Variants in ZNF43 observed in about 807,000 individuals in gnomAD.
The protein encoded by ZNF43 is zinc finger protein 43, also known as zinc finger protein 39-like 1 (KOX 27).
A neutral mutation model predicts 68.4 loss-of-function variants in ZNF43; 44 were observed. That is an observed-to-expected ratio of 0.64 (90% confidence interval 0.51 to 0.83). The LOEUF (loss-of-function observed/expected upper bound fraction) is 0.83. Among genes scored for constraint, ZNF43 ranks in the 40% least tolerant of loss-of-function variants. The pLI is 0.00. For missense variants in ZNF43, 896 were observed against 933.2 expected (o/e 0.96, Z 0.52); for synonymous variants, 308 against 307.8 (o/e 1.00, Z -0.01).
chr19:21,844,387 A>G (rs2145407475), intron 1 of ZNF43, among the ~76,000 whole-genome samples: 1 of 150,698 alleles, frequency 6.6e-6, no homozygotes, highest in East Asian at 2.0e-4. Flanking sequence ...CACAAAACAC[A>G]ATTTCATCTG....
At chr19:21,847,832 C>A (rs975075711) in intron 1 of ZNF43, among the ~76,000 whole-genome samples, 4 of 152,086 alleles carry the variant, frequency 2.6e-5, no homozygotes, top group African/African-American at 9.7e-5. Context: ...GTAACAATTT[C>A]TTTTTTATTT....
chr19:21,814,101 T>C (rs1020229886), intron 3 of ZNF43, among the ~76,000 whole-genome samples: 3 of 152,064 alleles, frequency 2.0e-5, no homozygotes, highest in Non-Finnish European at 4.4e-5. Flanking sequence ...GTAAATTTCA[T>C]GTTACATGTT....
intron 1 of ZNF43, among the ~76,000 whole-genome samples, chr19:21,844,921 A>AAAAAAAAAAAAAAAATATATAT (rs1310761266): frequency 3.8e-5 from 1 of 26,052 alleles, no homozygotes; most frequent in African/African-American, 2.2e-4. Context: ...AAAAAAAAAA[A>AAAAAAAAAAAAAAAATATATAT]ATATATATAT....
chr19:21,847,647 A>C (rs1457709009), intron 1 of ZNF43, among the ~76,000 whole-genome samples: 1 of 152,014 alleles, frequency 6.6e-6, no homozygotes, highest in African/African-American at 2.4e-5. Flanking sequence ...CAGTAAGCCA[A>C]GATCACAACA....
chr19:21,808,124 G>C lies in ZNF43; in HGVS notation c.1913C>G (p.Thr638Ser). The C allele has an allele frequency of 6.2e-7, 1 of 1,612,372 alleles. No homozygotes were observed. ...GKAFNQFSTL[T>S]KHKIIHTEEK... ...CTCAGTGTGAATTATCTTATGTTTAGTAAGAGTTGAGAACTGGTTAAAAGC... is the reference window on the plus strand; with the variant it reads ...CTCAGTGTGAATTATCTTATGTTTACTAAGAGTTGAGAACTGGTTAAAAGC... Residue 638 changes from threonine (T) to serine (S), a missense_variant, in exon 4 of 4, where the codon ACT becomes AGT. Physicochemically the swap from Thr to Ser is moderately conservative, Grantham distance 58. Transcript: ENST00000354959.
chr19:21,851,454 A>G (rs1968348195), intron 1 of ZNF43: 1 of 151,430 alleles, frequency 6.6e-6, no homozygotes, highest in Non-Finnish European at 1.5e-5. Flanking sequence ...AGGCAGGAGA[A>G]TCGCTTGAAC....
At position 21,807,903 on chromosome 19, in the gene ZNF43, C is replaced by T; in HGVS notation, c.2134G>A (p.Gly712Ser). The change falls in exon 4 of 4, where the codon GGC (glycine) becomes AGC (serine). Residue 712 changes from glycine (G) to serine (S), a missense_variant. Gly to Ser is a moderately conservative substitution (Grantham distance 56). Transcript: ENST00000354959. ...GEKPYKCEKC[G>S]KAFNRSSNLI... ...TTTGAGGATCGGTTAAAAGCTTTGC[C>T]ACATTTTTCACATTTGTAGGGTTTC... 2 of 1,612,812 alleles carry T rather than the reference C, an allele frequency of 1.2e-6. No homozygotes were observed. Among genetic ancestry groups the T allele is most frequent in the Non-Finnish European group, 1.7e-6 (2 of 1,179,746 alleles).
intron 1 of ZNF43, among the ~76,000 whole-genome samples, chr19:21,850,453 A>G (rs1968270538): frequency 1.3e-5 from 2 of 152,154 alleles, no homozygotes; most frequent in South Asian, 2.1e-4. Flanking sequence ...CCAGCACTTC[A>G]GGAGACTGAG....
At chr19:21,834,739 C>T (rs912777108) in intron 1 of ZNF43, among the ~76,000 whole-genome samples, 1 of 133,702 alleles carries the variant, frequency 7.5e-6, no homozygotes, top group South Asian at 2.4e-4. Context: ...GGAAACAAAG[C>T]GAGAGGAAGG....
intron 1 of ZNF43, among the ~76,000 whole-genome samples, chr19:21,821,773 A>G (rs918886061): frequency 2.0e-5 from 3 of 150,842 alleles, no homozygotes; most frequent in Non-Finnish European, 4.4e-5. Flanking sequence ...CTTGCCTATC[A>G]TAAAAATTTA....
upstream of ZNF43, among the ~76,000 whole-genome samples, chr19:21,836,681 C>A (rs563678520): frequency 6.6e-6 from 1 of 152,166 alleles, no homozygotes; most frequent in Admixed American, 6.5e-5. Context: ...GCAATCTAGG[C>A]TTGAGCAATT....
intron 1 of ZNF43, among the ~76,000 whole-genome samples, chr19:21,825,674 C>T (rs1314464002): frequency 6.6e-6 from 1 of 151,788 alleles, no homozygotes; most frequent in Non-Finnish European, 1.5e-5. Context: ...CTCATGTCTA[C>T]TCAATGCACA....
At chr19:21,822,326 C>T (rs1016568030) in intron 1 of ZNF43, among the ~76,000 whole-genome samples, 3 of 80,890 alleles carry the variant, frequency 3.7e-5, no homozygotes, top group African/African-American at 9.3e-5. Flanking sequence ...GTATCTTGAA[C>T]CTTTTATACT....
chr19:21,809,332 A>G lies in ZNF43; in HGVS notation c.705T>C (p.Cys235=). 6.2e-7 allele frequency: 1 copy of G among 1,613,798 alleles called. No individual in the cohort carries two copies. Among genetic ancestry groups the G allele is most frequent in the Non-Finnish European group, 8.5e-7 (1 of 1,179,912 alleles). Residue 235 remains cysteine (C), a synonymous_variant, in exon 4 of 4, where the codon TGT becomes TGC. Transcript: ENST00000354959. ...GTGAGGACCAATTAAAGACTTTGCCACATTCTTCACATGTGTAGGGTTTCT... is the reference window on the plus strand; with the variant it reads ...GTGAGGACCAATTAAAGACTTTGCCGCATTCTTCACATGTGTAGGGTTTCT... ...TGEKPYTCEE[C]GKVFNWSSRL... is the part of the protein sequence containing the mutation.
chr19:21,819,088 T>G lies in ZNF43; in HGVS notation c.130+7A>C, dbSNP rs746399786. On this transcript the variant is annotated splice_region_variant and intron_variant, in intron 2 of 3. Coordinates refer to ENST00000354959, the MANE Select transcript of ZNF43 (RefSeq NM_003423.4). The stretch of plus-strand genomic sequence containing the variant: ...TATTAGGAATTGAGTATTGAAGTTA[T>G]GCTCACCCAGGAAGACCAGGTTTCT... 194 of 1,606,466 alleles carry G rather than the reference T, an allele frequency of 1.2e-4. No individual in the cohort carries two copies. Among genetic ancestry groups the G allele is most frequent in the Middle Eastern group, 8.3e-4 (5 of 6,034 alleles).
intron 1 of ZNF43, among the ~76,000 whole-genome samples, chr19:21,833,570 T>G (rs2038531357): frequency 6.6e-6 from 1 of 151,850 alleles, no homozygotes; most frequent in South Asian, 2.1e-4. Flanking sequence ...ACACCCAGGC[T>G]GTGACACTGT....
intron 1 of ZNF43, among the ~76,000 whole-genome samples, chr19:21,829,032 CAAAAAAA>C (rs551226809): frequency 0.058 from 2,227 of 38,442 alleles, 29 homozygotes; most frequent in South Asian, 0.23. Context: ...GACTCTGTCT[CAAAAAAA>C]AAAAAAAAAA....
rs2036962708 is a variant in ZNF43, at chr19:21,806,782, C to CCTAA, written c.*824_*825insTTAG. On this transcript the variant is annotated 3_prime_UTR_variant, in exon 4 of 4. Coordinates refer to ENST00000354959, the MANE Select transcript of ZNF43 (RefSeq NM_003423.4). ...GTTTTATTTTGTGTTGTTTTCTGTA[C>CCTAA]TTAGCACTGATTTAGTGTAATGTCT... 6.6e-6 allele frequency: 1 copy of CCTAA among 152,114 alleles called. No homozygotes were observed. The highest frequency in any genetic ancestry group is 1.5e-5 in the Non-Finnish European group (1 of 68,014). The allele number at this position is 152,114 out of a possible 1,614,324, so 9.4% of individuals were successfully genotyped here.
At chr19:21,851,995 A>T in exon 1 of ZNF43, 1 of 1,511,832 alleles carries the variant, frequency 6.6e-7, no homozygotes, top group East Asian at 2.6e-5. Context: ...CGACAAAGTC[A>T]CCGGGGATTC....
Sources: gnomAD v4.1 joint callset for allele counts (sites outside exome capture counted in the v4.1 genomes callset) on GRCh38, gnomAD v4.1.1 for gene constraint, MANE v1.5 for transcripts, NCBI Gene and HGNC (gene_info 2026-07-23, HGNC 2026-07-21) for gene names.